The following TIMP2 variants were observed in gnomAD, a reference collection of about 807,000 sequenced individuals.
The protein encoded by TIMP2 is TIMP metallopeptidase inhibitor 2, also known as metalloproteinase inhibitor 2.
In TIMP2, 5 loss-of-function variants were observed where a neutral mutation model predicts 24.3. The observed-to-expected ratio is 0.21, with a 90% confidence interval of 0.11 to 0.43. TIMP2 has a LOEUF of 0.43. TIMP2 is among the 20% of genes least tolerant of loss of function. The pLI, the probability that TIMP2 is intolerant of heterozygous loss-of-function variation, is 1.00. For synonymous variants in TIMP2, 130 were observed against 123.2 expected (o/e 1.06, Z -0.37); for missense variants, 221 against 297.5 (o/e 0.74, Z 1.89).
chr17:78,857,771 G>A, intron 3 of TIMP2, 125 bp from the exon 4 acceptor site: 1 of 1,329,894 alleles, frequency 7.5e-7, no homozygotes, highest in Non-Finnish European at 1.0e-6. Flanking sequence ...TCTATTCTGA[G>A]TTAAAACACA....
Position 78,925,099 on chromosome 17 carries a change from GGGGCTGGGC to G in TIMP2, c.-20_-12del. The G allele has an allele frequency of 1.0e-6, 1 of 954,812 alleles. No individual in the cohort carries two copies. 59.1% of individuals were successfully genotyped at this position (954,812 alleles called of 1,614,324 possible). A position where few individuals can be genotyped will look rare whatever the true frequency, so the allele number is the denominator to read the frequency against. On this transcript the variant is annotated 5_prime_UTR_variant, in exon 1 of 5. Transcript: ENST00000262768. The stretch of plus-strand genomic sequence containing the variant: ...GGCCGCGGCGCCCATGGCGGGCCGG[GGGGCTGGGC>G]GGGCGGGGGCCGCCGCTGGGGGGTC...
At chr17:78,893,207 G>A (rs1407847492) in intron 1 of TIMP2, among the ~76,000 whole-genome samples, 11 of 132,442 alleles carry the variant, frequency 8.3e-5, no homozygotes, top group African/African-American at 1.5e-4. Context: ...AAGGATGTGT[G>A]TGCATGTGTG....
At chr17:78,914,785 C>T (rs1156489424) in intron 1 of TIMP2, among the ~76,000 whole-genome samples, 1 of 151,822 alleles carries the variant, frequency 6.6e-6, no homozygotes, top group Non-Finnish European at 1.5e-5. Flanking sequence ...TGAGGTCTTG[C>T]TATGTTGCCT....
chr17:78,920,037 G>A lies in TIMP2; in HGVS notation c.130+4922C>T, dbSNP rs1239805383. 4.6e-5 allele frequency among the ~76,000 whole-genome samples: 7 copies of A among 152,124 alleles called. No individual in the cohort carries two copies. Among genetic ancestry groups the A allele is most frequent in the Non-Finnish European group, 2.9e-5 (2 of 68,028 alleles). ...TGCTGTTGCATCCCTCCTCGCAGCTGCCTGGGAAGCCTCGGGCAGACCTCT... is the reference window on the plus strand; with the variant it reads ...TGCTGTTGCATCCCTCCTCGCAGCTACCTGGGAAGCCTCGGGCAGACCTCT... On this transcript the variant is annotated intron_variant, in intron 1 of 4. Coordinates refer to ENST00000262768, the MANE Select transcript of TIMP2 (RefSeq NM_003255.5). This position sits in a 1 kb window ranked among gnomAD's most constrained non-coding sequence, Gnocchi z 4.5.
chr17:78,885,781 AGAG>A (rs1416696897), intron 1 of TIMP2, among the ~76,000 whole-genome samples: 1 of 152,180 alleles, frequency 6.6e-6, no homozygotes, highest in Admixed American at 6.5e-5. Context: ...GGCAAATGGC[AGAG>A]CCAGGGCTCC....
chr17:78,924,142 CTG>C lies in TIMP2; in HGVS notation c.130+815_130+816del, dbSNP rs1262290089. On this transcript the variant is annotated intron_variant, in intron 1 of 4. Coordinates refer to ENST00000262768, the MANE Select transcript of TIMP2 (RefSeq NM_003255.5). This position sits in a 1 kb window ranked among gnomAD's most constrained non-coding sequence, Gnocchi z 5.3. ...CCCCTCCATGGATCAGAACAAATAA[CTG>C]GGCCCCTCCTGCCTCCCTCCATGGC... Among the ~76,000 whole-genome samples the C allele has an allele frequency of 6.6e-6, 1 of 152,240 alleles. No individual in the cohort carries two copies. Among genetic ancestry groups the C allele is most frequent in the Non-Finnish European group, 1.5e-5 (1 of 68,038 alleles).
Position 78,873,825 on chromosome 17 carries a change from C to G in TIMP2, c.225G>C (p.Gln75His). ...PIKRIQYEIKQIKMFKGPEKD... is the reference protein window; with the variant it reads ...PIKRIQYEIKHIKMFKGPEKD... ...TGCCGGCAGCCACTATTACCTTTAT[C>G]TGCTTGATCTCATACTGGATCCTCT... The change falls in exon 2 of 5, where the codon CAG becomes CAC. Residue 75 changes from glutamine (Q) to histidine (H), a missense_variant. Gln to His is a conservative substitution (Grantham distance 24, BLOSUM62 0). Transcript: ENST00000262768. 6.2e-7 allele frequency: 1 copy of G among 1,612,438 alleles called. No homozygotes were observed. Among genetic ancestry groups the G allele is most frequent in the South Asian group, 1.1e-5 (1 of 91,068 alleles).
At chr17:78,914,266 T>TTTATTTATTTATTTAC (rs1339931173) in intron 1 of TIMP2, among the ~76,000 whole-genome samples, 1 of 85,586 alleles carries the variant, frequency 1.2e-5, no homozygotes, top group Non-Finnish European at 2.3e-5. Context: ...TATTCATTTA[T>TTTATTTATTTATTTAC]TTATTTATTT....
chr17:78,886,379 T>A (rs970686353), intron 1 of TIMP2, among the ~76,000 whole-genome samples: 8 of 150,732 alleles, frequency 5.3e-5, no homozygotes, highest in Non-Finnish European at 1.2e-4. Flanking sequence ...CCTCGGCTAC[T>A]CAATGTTTGG....
At chr17:78,862,907 G>T (rs1284965195) in intron 3 of TIMP2, among the ~76,000 whole-genome samples, 1 of 152,196 alleles carries the variant, frequency 6.6e-6, no homozygotes, top group East Asian at 1.9e-4. Flanking sequence ...CCTTTTCACG[G>T]CTGCGTAGTA....
chr17:78,914,052 T>C (rs2070232683), intron 1 of TIMP2, among the ~76,000 whole-genome samples: 1 of 152,040 alleles, frequency 6.6e-6, no homozygotes, highest in South Asian at 2.1e-4. Flanking sequence ...GACAGAGAAG[T>C]TTTCTTTATG....
chr17:78,891,161 T>G lies in TIMP2; in HGVS notation c.131-17242A>C. On this transcript the variant is annotated intron_variant, in intron 1 of 4. Transcript: ENST00000262768. The surrounding 1 kb of genome is among the most constrained non-coding windows in gnomAD (Gnocchi z 4.5). ...TATACCTGCCTCGGGAGACAATGTT[T>G]GACTTCCATTTCTAAACGTGGGCTT... 6.4e-7 allele frequency: 1 copy of G among 1,550,694 alleles called. No homozygotes were observed. Among genetic ancestry groups the G allele is most frequent in the Non-Finnish European group, 8.7e-7 (1 of 1,147,014 alleles).
chr17:78,885,647 T>G (rs1599156254), intron 1 of TIMP2, among the ~76,000 whole-genome samples: 3 of 151,036 alleles, frequency 2.0e-5, no homozygotes, highest in Admixed American at 6.6e-5. Flanking sequence ...AGAGAGGTGG[T>G]GGGAAGAGAG....
intron 1 of TIMP2, among the ~76,000 whole-genome samples, chr17:78,916,035 T>C (rs73999315): frequency 0.017 from 2,571 of 152,266 alleles, 64 homozygotes; most frequent in African/African-American, 0.059. Context: ...CACCATGTCA[T>C]GATTCACCTC....
chr17:78,917,250 TCAA>T (rs2070267242), intron 1 of TIMP2, among the ~76,000 whole-genome samples: 1 of 21,972 alleles, frequency 4.6e-5, no homozygotes, highest in Non-Finnish European at 1.0e-4. Flanking sequence ...AGACTCCGTC[TCAA>T]AAAAAAAAAA....
intron 2 of TIMP2, among the ~76,000 whole-genome samples, chr17:78,871,721 C>T (rs1247506109): frequency 6.6e-6 from 1 of 151,800 alleles, no homozygotes; most frequent in Non-Finnish European, 1.5e-5. Flanking sequence ...TGGCGGGCGC[C>T]TGTAGTCCCA....
chr17:78,874,098 G>A, intron 1 of TIMP2, 179 bp from the exon 2 acceptor site: 1 of 544,496 alleles, frequency 1.8e-6, no homozygotes, highest in South Asian at 2.4e-5. Context: ...CCTCCTCCAG[G>A]CTGAGAGATG....
chr17:78,871,951 C>T (rs905604428), intron 2 of TIMP2, among the ~76,000 whole-genome samples: 1 of 152,098 alleles, frequency 6.6e-6, no homozygotes, highest in Non-Finnish European at 1.5e-5. Flanking sequence ...TGGGGAGGGG[C>T]TTTTGTACCT....
chr17:78,893,142 C>T (rs543128563), intron 1 of TIMP2, among the ~76,000 whole-genome samples: 28 of 132,092 alleles, frequency 2.1e-4, no homozygotes, highest in Admixed American at 3.0e-4. Context: ...GGTGTGTGTG[C>T]GTACATGTGT....
Sources: allele counts gnomAD v4.1 joint callset (sites outside exome capture counted in the v4.1 genomes callset), GRCh38; gene constraint gnomAD v4.1.1; non-coding constraint Gnocchi (gnomAD v3.1); transcripts MANE v1.5; gene names NCBI Gene and HGNC (gene_info 2026-07-23, HGNC 2026-07-21).